The following WRAP53 variants were observed in gnomAD, a reference collection of about 807,000 sequenced individuals.
WRAP53 encodes the protein telomerase Cajal body protein 1.
WRAP53 carries 28 observed loss-of-function variants against 56.6 expected under a neutral mutation model. That is an observed-to-expected ratio of 0.50 (90% CI 0.37 to 0.68). The LOEUF (loss-of-function observed/expected upper bound fraction) is 0.68. Ranked by LOEUF, WRAP53 falls within the 30% of genes least tolerant of loss-of-function variation. The pLI is 0.00. For synonymous variants in WRAP53, 283 were observed against 283.4 expected, an observed-to-expected ratio of 1.00 and a Z score of 0.01; for missense variants, 671 against 715.5, an observed-to-expected ratio of 0.94 and a Z score of 0.71.
intron 4 of WRAP53, among the ~76,000 whole-genome samples, chr17:7,692,694 C>T (rs983012083): frequency 6.8e-6 from 1 of 148,036 alleles, no homozygotes; most frequent in Non-Finnish European, 1.5e-5. Context: ...GCCTCCATCG[C>T]TTCCTGAAAG....
chr17:7,696,085 TGGA>T (rs1182262354), intron 4 of WRAP53, among the ~76,000 whole-genome samples: 1 of 151,876 alleles, frequency 6.6e-6, no homozygotes, highest in Non-Finnish European at 1.5e-5. Flanking sequence ...CTTGCTTAGC[TGGA>T]GGGGTTAGGG....
upstream of WRAP53, chr17:7,688,193 C>CT (rs1567569384): frequency 1.1e-5 from 2 of 182,522 alleles, no homozygotes. Context: ...CTGCAGGCGG[C>CT]GGGGGGGCGG....
rs751696137 is a variant in WRAP53 at position 7,700,770 on chromosome 17, T to C, written c.672T>C (p.Asp224=). 3 of 1,613,108 alleles carry C rather than the reference T, an allele frequency of 1.9e-6. No individual in the cohort carries two copies. Among genetic ancestry groups the C allele is most frequent in the Middle Eastern group, 1.7e-4 (1 of 6,056 alleles). Residue 224 remains aspartate, a synonymous_variant, in exon 5 of 11, where the codon GAT becomes GAC. Transcript: ENST00000396463. ...CTGTCCTTCGAATGGTGGAAGGTGA[T>C]ACCATCTATGATTACTGCTGGTATT... ...MVPVLRMVEG[D]TIYDYCWYSL...
In WRAP53 at chr17:7,702,651, A is replaced by G. The variant is rs2074291035; in HGVS notation, c.1165-92A>G. On this transcript the variant is annotated intron_variant, in intron 8 of 10. Coordinates refer to ENST00000396463, the MANE Select transcript of WRAP53 (RefSeq NM_001143992.2). This position sits in a 1 kb window ranked among gnomAD's most constrained non-coding sequence, Gnocchi z 5.0. ...GGGAATGGGTGGGGATGGGGAAAAA[A>G]TCCCAAGCTGAAGGAGTGCCTGGAG... The G allele has an allele frequency of 8.8e-6, 14 of 1,597,976 alleles. No homozygotes were observed. In the South Asian group the frequency reaches 9.9e-5, roughly 11 times the overall value.
intron 10 of WRAP53, 43 bp downstream of exon 10, chr17:7,703,170 A>C (rs752131748): frequency 1.3e-5 from 21 of 1,613,468 alleles, no homozygotes; most frequent in Non-Finnish European, 1.8e-5. Context: ...TGGGTTGGGG[A>C]GGGAGGTGAA....
intron 4 of WRAP53, among the ~76,000 whole-genome samples, chr17:7,699,521 T>TA (rs1491105980): frequency 0.052 from 961 of 18,566 alleles, 111 homozygotes; most frequent in Non-Finnish European, 0.066. Flanking sequence ...TATATATATA[T>TA]TTATATATAT....
intron 4 of WRAP53, among the ~76,000 whole-genome samples, chr17:7,699,495 T>A (rs1334816319): frequency 8.0e-5 from 1 of 12,510 alleles, no homozygotes; most frequent in South Asian, 2.9e-3. Flanking sequence ...TATATATATA[T>A]ATATATTTAT....
In WRAP53 at chr17:7,688,997, G is replaced by A. The variant is rs773992093; in HGVS notation, c.349G>A (p.Glu117Lys). The change falls in exon 2 of 11, where the codon GAA becomes AAA. Residue 117 changes from glutamate to lysine, a missense_variant. Transcript: ENST00000396463. Reference sequence around the variant, plus strand: ...AGCAAACGGGAGCCTTTCTGAAGAAGAAGCGAACGGGCCAGAGTTGGGGTC... The same window carrying A: ...AGCAAACGGGAGCCTTTCTGAAGAAAAAGCGAACGGGCCAGAGTTGGGGTC... ...EEANGSLSEE[E>K]ANGPELGSGK... The A allele has an allele frequency of 7.4e-6, 12 of 1,614,214 alleles. No homozygotes were observed. The highest frequency in any genetic ancestry group is 1.0e-5 in the Non-Finnish European group (12 of 1,180,048).
rs1240294768 is a variant in WRAP53, at chr17:7,699,490, A to ATT, written c.643-1250_643-1249insTT. Among the ~76,000 whole-genome samples the ATT allele has an allele frequency of 7.6e-4, 10 of 13,088 alleles. 1 individual carries two copies. The highest frequency in any genetic ancestry group is 2.5e-3 in the Admixed American group (2 of 804). The allele number at this position is 13,088 out of a possible 152,430, so 8.6% of individuals were successfully genotyped here. On this transcript the variant is annotated intron_variant, in intron 4 of 10. Coordinates refer to ENST00000396463, the MANE Select transcript of WRAP53 (RefSeq NM_001143992.2). ...TATATATATATTTATATATATATAT[A>ATT]TATATATATATTTATATATATATAT...
chr17:7,686,119 G>C (rs1351119194), upstream of WRAP53: 2 of 152,258 alleles, frequency 1.3e-5, no homozygotes, highest in Non-Finnish European at 2.9e-5. Context: ...CGGGCCGGAG[G>C]GCTGCACGGA....
At position 7,702,399 on chromosome 17, in the gene WRAP53, G is replaced by A. The variant is rs1381780652; in HGVS notation, c.1011G>A (p.Gln337=). 11 of 1,614,044 alleles carry A rather than the reference G, an allele frequency of 6.8e-6. No homozygotes were observed. Among genetic ancestry groups the A allele is most frequent in the Non-Finnish European group, 9.3e-6 (11 of 1,180,036 alleles). The change falls in exon 8 of 11, where the codon CAG becomes CAA. Residue 337 remains glutamine, a synonymous_variant. Coordinates refer to ENST00000396463, the MANE Select transcript of WRAP53 (RefSeq NM_001143992.2). The surrounding 1 kb of genome is among the most constrained non-coding windows in gnomAD (Gnocchi z 5.0). Reference sequence around the variant, plus strand: ...CCTGCATAGCCTTCAGCCCAGCCCAGCCCCTCTATGCCTGTGGCTCCTACG... The same window carrying A: ...CCTGCATAGCCTTCAGCCCAGCCCAACCCCTCTATGCCTGTGGCTCCTACG... ...IISCIAFSPA[Q]PLYACGSYGR...
At chr17:7,692,813 G>A (rs539916114) in intron 4 of WRAP53, among the ~76,000 whole-genome samples, 4 of 137,144 alleles carry the variant, frequency 2.9e-5, no homozygotes, top group Admixed American at 7.9e-5. Flanking sequence ...GTGCAGTGGC[G>A]CCATCTCAGC....
intron 4 of WRAP53, among the ~76,000 whole-genome samples, chr17:7,699,054 T>C (rs1359126394): frequency 6.6e-6 from 1 of 151,688 alleles, no homozygotes; most frequent in Admixed American, 6.6e-5. Context: ...TAAGACCCTG[T>C]CTCTAAGAAA....
At position 7,689,287 on chromosome 17, in the gene WRAP53, C is replaced by G; in HGVS notation, c.495C>G (p.Ser165Arg). 1 of 1,614,084 alleles carries G rather than the reference C, an allele frequency of 6.2e-7. No individual in the cohort carries two copies. The highest frequency in any genetic ancestry group is 8.5e-7 in the Non-Finnish European group (1 of 1,180,028). The change falls in exon 3 of 11, where the codon AGC (serine) becomes AGG (arginine). Residue 165 changes from serine to arginine, a missense_variant. Coordinates refer to ENST00000396463, the MANE Select transcript of WRAP53 (RefSeq NM_001143992.2). ...RFLSGSWSEFSTQPENFLKGC... is the reference protein window; with the variant it reads ...RFLSGSWSEFRTQPENFLKGC... ...TCAGTGGTTCCTGGTCAGAGTTCAGCACCCAACCTGAGAACTTCTTGAAAG... is the reference window on the plus strand; with the variant it reads ...TCAGTGGTTCCTGGTCAGAGTTCAGGACCCAACCTGAGAACTTCTTGAAAG...
At position 7,700,761 on chromosome 17, in the gene WRAP53, G is replaced by A. The variant is rs760537751; in HGVS notation, c.663G>A (p.Val221=). 27 of 1,612,718 alleles carry A rather than the reference G, an allele frequency of 1.7e-5. No individual in the cohort carries two copies. The highest frequency in any genetic ancestry group is 4.0e-5 in the African/African-American group (3 of 74,814). ...TATAGGTCCCTGTCCTTCGAATGGT[G>A]GAAGGTGATACCATCTATGATTACT... ...YAEMVPVLRM[V]EGDTIYDYCW... is the part of the protein sequence containing the mutation. The change falls in exon 5 of 11, where the codon GTG becomes GTA. Residue 221 remains valine, a synonymous_variant. Coordinates refer to ENST00000396463, the MANE Select transcript of WRAP53 (RefSeq NM_001143992.2).
chr17:7,689,195 AG>A (rs750964508), intron 2 of WRAP53, 28 bp from the exon 3 acceptor site: 3 of 1,613,622 alleles, frequency 1.9e-6, no homozygotes, highest in East Asian at 4.5e-5. Flanking sequence ...TTGGCGACCC[AG>A]GTTTATTGTC....
In WRAP53 at chr17:7,701,662, G is replaced by A. The variant is rs2074276691; in HGVS notation, c.828G>A (p.Glu276=). ...CAGCCCTTTCCTTCCCCCAGGATGA[G>A]CTGACGGCAGCCCATTCGCTCTGCT... ...ASFRAYNHLD[E]LTAAHSLCFS... is the part of the protein sequence containing the mutation. The change falls in exon 7 of 11, where the codon GAG becomes GAA. Residue 276 remains glutamate (E), a synonymous_variant. Transcript: ENST00000396463. This position sits in a 1 kb window ranked among gnomAD's most constrained non-coding sequence, Gnocchi z 4.2. 3.7e-6 allele frequency: 6 copies of A among 1,614,244 alleles called. No individual in the cohort carries two copies. Among genetic ancestry groups the A allele is most frequent in the Non-Finnish European group, 5.1e-6 (6 of 1,180,046 alleles).
rs2074275331 is a variant in WRAP53 at position 7,701,604 on chromosome 17, T to C, written c.823-53T>C. 6 of 1,614,214 alleles carry C rather than the reference T, an allele frequency of 3.7e-6. No homozygotes were observed. Among genetic ancestry groups the C allele is most frequent in the Non-Finnish European group, 5.1e-6 (6 of 1,180,040 alleles). On this transcript the variant is annotated intron_variant, in intron 6 of 10. Coordinates refer to ENST00000396463, the MANE Select transcript of WRAP53 (RefSeq NM_001143992.2). This position sits in a 1 kb window ranked among gnomAD's most constrained non-coding sequence, Gnocchi z 4.2. The stretch of plus-strand genomic sequence containing the variant: ...TCGTACTGGCCCGGCTCTCCTTCCT[T>C]GAGGGCAGCTGAGGCTTTGCAAGAC...
chr17:7,703,041 G>A lies in WRAP53; in HGVS notation c.1317G>A (p.Val439=), dbSNP rs1452243189. 1.2e-6 allele frequency: 2 copies of A among 1,614,136 alleles called. No individual in the cohort carries two copies. Among genetic ancestry groups the A allele is most frequent in the Non-Finnish European group, 1.7e-6 (2 of 1,180,024 alleles). ...VSGSTSGAVS[V]WDTDGPGNDG... ...GCAGCACGAGCGGGGCTGTCTCTGT[G>A]TGGGACACGGACGGGCCTGGCAATG... Residue 439 remains valine (V), a synonymous_variant, in exon 10 of 11, where the codon GTG becomes GTA. Coordinates refer to ENST00000396463, the MANE Select transcript of WRAP53 (RefSeq NM_001143992.2).
Sources: gnomAD v4.1 joint callset for allele counts (sites outside exome capture counted in the v4.1 genomes callset) on GRCh38, gnomAD v4.1.1 for gene constraint, Gnocchi (gnomAD v3.1) non-coding constraint, MANE v1.5 for transcripts, NCBI Gene and HGNC (gene_info 2026-07-23, HGNC 2026-07-21) for gene names.